B3GALT1: variants seen among roughly 807,000 people sequenced by gnomAD.
B3GALT1 encodes UDP-Gal:betaGlcNAc beta 1,3-galactosyltransferase, polypeptide 1.
B3GALT1 carries 10 observed loss-of-function variants against 23.2 expected under a neutral mutation model. The observed-to-expected ratio is 0.43, with a 90% CI of 0.27 to 0.73. The LOEUF (loss-of-function observed/expected upper bound fraction) is 0.73. Ranked by LOEUF, B3GALT1 falls within the 30% of genes least tolerant of loss-of-function variation. B3GALT1 has a pLI of 0.21. For missense variants in B3GALT1, 299 were observed against 405.4 expected (o/e 0.74, Z 2.25); for synonymous variants, 156 against 141.5 (o/e 1.10, Z -0.73).
Position 167,870,117 on chromosome 2 carries a change from A to C in B3GALT1, c.*97A>C. 7.5e-7 allele frequency: 1 copy of C among 1,324,724 alleles called. No individual in the cohort carries two copies. The highest frequency in any genetic ancestry group is 1.7e-5 in the South Asian group (1 of 59,950). 82.1% of individuals were successfully genotyped at this position (1,324,724 alleles called of 1,614,324 possible). On this transcript the variant is annotated 3_prime_UTR_variant, in exon 5 of 5. Coordinates refer to ENST00000392690, the MANE Select transcript of B3GALT1 (RefSeq NM_020981.4). ...GGTGTCGGGGGAAATGAACTGGTGA[A>C]GGGGTTTTGTAAAGTTTTTGCTTCC...
chr2:167,771,605 A>C (rs1307639637), intron 3 of B3GALT1, among the ~76,000 whole-genome samples: 1 of 152,208 alleles, frequency 6.6e-6, no homozygotes, highest in African/African-American at 2.4e-5. Flanking sequence ...AAAACAATCA[A>C]GTATCTCTGG....
intron 2 of B3GALT1, among the ~76,000 whole-genome samples, chr2:167,583,769 A>G (rs566545033): frequency 6.6e-6 from 1 of 151,956 alleles, no homozygotes; most frequent in African/African-American, 2.4e-5. Context: ...GTTTTTAATA[A>G]TCTGACAGAA....
At chr2:167,435,953 A>G (rs537097158) in intron 1 of B3GALT1, among the ~76,000 whole-genome samples, 3 of 124,198 alleles carry the variant, frequency 2.4e-5, no homozygotes, top group East Asian at 5.0e-4. Flanking sequence ...ACACACACAC[A>G]AACACACACA....
chr2:167,577,252 A>G (rs1299653362), intron 2 of B3GALT1, among the ~76,000 whole-genome samples: 1 of 151,840 alleles, frequency 6.6e-6, no homozygotes, highest in Admixed American at 6.6e-5. Context: ...ATCATACTAC[A>G]ATATTAAGAA....
In B3GALT1 at chr2:167,873,612, A is replaced by G. The variant is rs754098435; in HGVS notation, c.*3592A>G. The G allele has an allele frequency of 7.2e-5, 11 of 152,216 alleles. No individual in the cohort carries two copies. Among genetic ancestry groups the G allele is most frequent in the Admixed American group, 2.6e-4 (4 of 15,282 alleles). 9.4% of individuals were successfully genotyped at this position (152,216 alleles called of 1,614,324 possible). A position where few individuals can be genotyped will look rare whatever the true frequency, so the allele number is the denominator to read the frequency against. ...TGTAAAGGTGAAAATCGTTTTTATA[A>G]ACAACAAAGTAACTTGTGAATGAAA... On this transcript the variant is annotated 3_prime_UTR_variant, in exon 5 of 5. Coordinates refer to ENST00000392690, the MANE Select transcript of B3GALT1 (RefSeq NM_020981.4).
At chr2:167,707,177 GC>G (rs1177556616) in intron 3 of B3GALT1, among the ~76,000 whole-genome samples, 2 of 152,152 alleles carry the variant, frequency 1.3e-5, no homozygotes, top group Non-Finnish European at 2.9e-5. Flanking sequence ...GACTCTCCAT[GC>G]CCCAAAGAAG....
rs148336907 is a variant in B3GALT1, at chr2:167,389,543, C to G, written c.-511+96209C>G. Among the ~76,000 whole-genome samples, 3 of 152,190 alleles carry G rather than the reference C, an allele frequency of 2.0e-5. No homozygotes were observed. In the East Asian group the frequency reaches 5.8e-4, roughly 29 times the overall value. On this transcript the variant is annotated intron_variant, in intron 1 of 4. Transcript: ENST00000392690. ...GAGATCAACCAAATACTTCAAGGCA[C>G]AATAGAGGGCAGCCTAAGTACCAGG...
chr2:167,684,778 A>G (rs1428666048), intron 3 of B3GALT1, among the ~76,000 whole-genome samples: 1 of 152,250 alleles, frequency 6.6e-6, no homozygotes, highest in East Asian at 1.9e-4. Flanking sequence ...AAGAAAGAAA[A>G]GGTAACTCGT....
chr2:167,311,614 A>T (rs1235483124), intron 1 of B3GALT1, among the ~76,000 whole-genome samples: 1 of 152,054 alleles, frequency 6.6e-6, no homozygotes, highest in Non-Finnish European at 1.5e-5. Context: ...TTTTATTGAG[A>T]TCAAAACTCA....
chr2:167,407,035 TAC>T (rs3061477), intron 1 of B3GALT1, among the ~76,000 whole-genome samples: 140,340 of 152,156 alleles, frequency 0.92, 65,399 homozygotes, highest in Non-Finnish European at 0.99. Context: ...TGCCACAGAA[TAC>T]ATGTTATTTT....
At chr2:167,585,025 C>G (rs1440879211) in intron 2 of B3GALT1, among the ~76,000 whole-genome samples, 1 of 152,190 alleles carries the variant, frequency 6.6e-6, no homozygotes, top group Non-Finnish European at 1.5e-5. Context: ...ATGTCCCAAT[C>G]CTCTACTCCT....
intron 2 of B3GALT1, among the ~76,000 whole-genome samples, chr2:167,619,845 G>C (rs1169990580): frequency 1.3e-5 from 2 of 152,120 alleles, no homozygotes; most frequent in Non-Finnish European, 2.9e-5. Context: ...GCGCACTGCA[G>C]TGGCCAGATA....
intron 3 of B3GALT1, among the ~76,000 whole-genome samples, chr2:167,651,271 TGC>T (rs200734697): frequency 0.16 from 2,931 of 18,384 alleles, 46 homozygotes; most frequent in Middle Eastern, 0.38. Context: ...TGTGTGTGTG[TGC>T]GCGCACGTGC....
intron 2 of B3GALT1, among the ~76,000 whole-genome samples, chr2:167,533,339 G>GTT (rs34623419): frequency 1.1e-4 from 16 of 151,220 alleles, no homozygotes; most frequent in South Asian, 4.2e-4. Flanking sequence ...TTTTCTGAGA[G>GTT]TTTTTTTTTA....
chr2:167,321,974 AT>A (rs1188559054), intron 1 of B3GALT1, among the ~76,000 whole-genome samples: 3 of 151,998 alleles, frequency 2.0e-5, no homozygotes, highest in Non-Finnish European at 4.4e-5. Context: ...GTAGAATCTA[AT>A]TTTTCAATGT....
At chr2:167,562,421 A>G (rs907035393) in intron 2 of B3GALT1, among the ~76,000 whole-genome samples, 11 of 151,870 alleles carry the variant, frequency 7.2e-5, no homozygotes, top group South Asian at 2.1e-4. Context: ...CTCTCTCACC[A>G]CTCCTATTCA....
chr2:167,311,712 A>G (rs1696637071), intron 1 of B3GALT1, among the ~76,000 whole-genome samples: 1 of 152,066 alleles, frequency 6.6e-6, no homozygotes, highest in African/African-American at 2.4e-5. Flanking sequence ...AATTGAAACT[A>G]AGTATTCACT....
chr2:167,792,835 G>A (rs1688465505), intron 3 of B3GALT1, among the ~76,000 whole-genome samples: 1 of 150,920 alleles, frequency 6.6e-6, no homozygotes, highest in South Asian at 2.1e-4. Context: ...AGACATTCAG[G>A]AACAAAAGCA....
intron 3 of B3GALT1, among the ~76,000 whole-genome samples, chr2:167,686,166 C>T (rs1213744790): frequency 2.6e-5 from 4 of 152,160 alleles, no homozygotes; most frequent in African/African-American, 4.8e-5. Flanking sequence ...GATTTATAAA[C>T]AGCTGATTTT....
Sources: gnomAD v4.1 joint callset for allele counts (sites outside exome capture counted in the v4.1 genomes callset) on GRCh38, gnomAD v4.1.1 for gene constraint, MANE v1.5 for transcripts, NCBI Gene and HGNC (gene_info 2026-07-23, HGNC 2026-07-21) for gene names.